The following NARS2 variants were observed in gnomAD, a reference collection of about 807,000 sequenced individuals.
NARS2 encodes asparaginyl-tRNA synthetase 2, mitochondrial.
A neutral mutation model predicts 62.9 loss-of-function variants in NARS2; 60 were observed. That is an observed-to-expected ratio of 0.95 (90% CI 0.77 to 1.18). The LOEUF (loss-of-function observed/expected upper bound fraction) is 1.18. Among genes scored for constraint, NARS2 ranks in the 50% most tolerant of loss-of-function variants. The pLI, the probability that NARS2 is intolerant of heterozygous loss-of-function variation, is 0.00. For missense variants in NARS2, 619 were observed against 576.4 expected (o/e 1.07, Z -0.76); for synonymous variants, 196 against 200.0 (o/e 0.98, Z 0.17).
intron 3 of NARS2, 68 bp from the exon 4 acceptor site, chr11:78,566,340 G>A: frequency 7.5e-6 from 10 of 1,339,144 alleles, no homozygotes; most frequent in Non-Finnish European, 1.0e-5. Flanking sequence ...CAGTTTCCAG[G>A]GTATTTCTTA....
intron 7 of NARS2, among the ~76,000 whole-genome samples, chr11:78,484,687 C>A (rs1859499166): frequency 6.6e-6 from 1 of 152,116 alleles, no homozygotes; most frequent in Admixed American, 6.5e-5. Context: ...CAATGAGATA[C>A]CATCTTATAT....
In NARS2 at chr11:78,574,753, T is replaced by A. The variant is rs1461924304; in HGVS notation, c.-265A>T. 40 of 453,628 alleles carry A rather than the reference T, an allele frequency of 8.8e-5. No homozygotes were observed. 28.1% of individuals were successfully genotyped at this position (453,628 alleles called of 1,614,324 possible). A position where few individuals can be genotyped will look rare whatever the true frequency, so the allele number is the denominator to read the frequency against. On this transcript the variant is annotated 5_prime_UTR_variant, in exon 1 of 14. Coordinates refer to ENST00000281038, the MANE Select transcript of NARS2 (RefSeq NM_024678.6). ...AAAGAAACCACGTGCAGTTGGCAGC[T>A]GGGGCGCCCCACTACCCGCGACAAT...
intron 6 of NARS2, among the ~76,000 whole-genome samples, chr11:78,511,173 G>A (rs541869147): frequency 6.6e-6 from 1 of 152,074 alleles, no homozygotes; most frequent in Non-Finnish European, 1.5e-5. Context: ...GACCTCCTAG[G>A]CTCAAGTGAT....
intron 13 of NARS2, among the ~76,000 whole-genome samples, chr11:78,439,823 C>T (rs1565199361): frequency 6.6e-6 from 1 of 151,864 alleles, no homozygotes; most frequent in Admixed American, 6.6e-5. Flanking sequence ...TGAAGGAGTG[C>T]TAATATAGAA....
At chr11:78,457,459 A>G (rs1236905322) in intron 11 of NARS2, among the ~76,000 whole-genome samples, 8 of 152,258 alleles carry the variant, frequency 5.3e-5, no homozygotes, top group Admixed American at 2.0e-4. Flanking sequence ...TTCCTTCACC[A>G]GAAAACAACA....
chr11:78,448,557 C>T (rs55661317), intron 11 of NARS2, among the ~76,000 whole-genome samples: 103 of 152,240 alleles, frequency 6.8e-4, no homozygotes, highest in Non-Finnish European at 1.2e-3. Flanking sequence ...GTGATCCACC[C>T]GCCTCATCCT....
At chr11:78,449,872 C>G (rs1166144620) in intron 11 of NARS2, among the ~76,000 whole-genome samples, 1 of 152,186 alleles carries the variant, frequency 6.6e-6, no homozygotes, top group Non-Finnish European at 1.5e-5. Flanking sequence ...TTGAGAACCA[C>G]TAGTTTAAAA....
chr11:78,492,108 T>G (rs61881822), intron 7 of NARS2, among the ~76,000 whole-genome samples: 64,508 of 132,336 alleles, frequency 0.49, 17,266 homozygotes, highest in Non-Finnish European at 0.65. Flanking sequence ...TATATATATA[T>G]ACAGACACAC....
intron 5 of NARS2, among the ~76,000 whole-genome samples, chr11:78,550,293 T>C (rs1038385071): frequency 2.0e-5 from 3 of 152,304 alleles, no homozygotes; most frequent in South Asian, 4.1e-4. Flanking sequence ...TTACTTTCTA[T>C]TGTTCTGTTT....
intron 9 of NARS2, 27 bp from the exon 10 acceptor site, chr11:78,469,340 G>T: frequency 6.3e-7 from 1 of 1,575,438 alleles, no homozygotes; most frequent in Non-Finnish European, 8.7e-7. Context: ...TACAAGCAGA[G>T]AAAAGTCAAT....
intron 11 of NARS2, among the ~76,000 whole-genome samples, chr11:78,453,749 A>G (rs1479821055): frequency 6.6e-6 from 1 of 152,216 alleles, no homozygotes; most frequent in Non-Finnish European, 1.5e-5. Context: ...TGAAATACAC[A>G]GTATTTTGGC....
chr11:78,538,964 C>T (rs982088984), intron 5 of NARS2, among the ~76,000 whole-genome samples: 1 of 116,176 alleles, frequency 8.6e-6, no homozygotes, highest in African/African-American at 3.3e-5. Context: ...CACTGCACTC[C>T]AGCCTGGGCG....
intron 6 of NARS2, among the ~76,000 whole-genome samples, chr11:78,520,358 C>G (rs1336531648): frequency 5.3e-5 from 8 of 152,082 alleles, no homozygotes; most frequent in African/African-American, 1.9e-4. Context: ...GCATTCTTCC[C>G]TGTGTGTGTG....
In NARS2 at chr11:78,571,831, C is replaced by T. The variant is rs569175557; in HGVS notation, c.142-387G>A. Among the ~76,000 whole-genome samples the T allele has an allele frequency of 2.6e-5, 4 of 152,166 alleles. No individual in the cohort carries two copies. In the East Asian group the frequency reaches 5.8e-4, roughly 22 times the overall value. On this transcript the variant is annotated intron_variant, in intron 1 of 13. Transcript: ENST00000281038. ...GGTGCCTTTCTCAGGATGTGGGGTG[C>T]GCCCTTCTTTCTGGTTTCATCTCAC...
chr11:78,468,311 A>AAAG (rs1858714675), intron 10 of NARS2, among the ~76,000 whole-genome samples: 1 of 77,700 alleles, frequency 1.3e-5, no homozygotes, highest in African/African-American at 5.9e-5. Context: ...ACTAAATCTG[A>AAAG]AAAAAAAAAA....
intron 11 of NARS2, among the ~76,000 whole-genome samples, chr11:78,462,676 T>C (rs996268091): frequency 2.6e-5 from 4 of 152,198 alleles, no homozygotes; most frequent in Admixed American, 6.5e-5. Context: ...TTTTCATTTA[T>C]AAAATGGGGA....
chr11:78,566,180 T>C lies in NARS2; in HGVS notation c.465A>G (p.Ile155Met), dbSNP rs770119015. Residue 155 changes from isoleucine to methionine, a missense_variant, in exon 4 of 14, where the codon ATA becomes ATG. Coordinates refer to ENST00000281038, the MANE Select transcript of NARS2 (RefSeq NM_024678.6). Reference sequence around the variant, plus strand: ...CTGTCGCTTCACTGCGAATCCTCAATATAGAACCCAGAACGTTAGTCCTAC... The same window carrying C: ...CTGTCGCTTCACTGCGAATCCTCAACATAGAACCCAGAACGTTAGTCCTAC... Reference protein sequence around the residue: ...FRCRTNVLGSILRIRSEATAA... With the variant: ...FRCRTNVLGSMLRIRSEATAA... The C allele has an allele frequency of 4.3e-6, 7 of 1,613,088 alleles. No individual in the cohort carries two copies. In the African/African-American group the frequency reaches 5.3e-5, roughly 12 times the overall value.
intron 10 of NARS2, among the ~76,000 whole-genome samples, chr11:78,467,340 G>A (rs965919008): frequency 1.3e-5 from 2 of 151,940 alleles, no homozygotes; most frequent in African/African-American, 2.4e-5. Context: ...ACAGAAGCCC[G>A]AGACTAGCCT....
At chr11:78,521,786 T>G (rs1861134901) in intron 6 of NARS2, among the ~76,000 whole-genome samples, 2 of 55,558 alleles carry the variant, frequency 3.6e-5, no homozygotes, top group Admixed American at 2.2e-4. Flanking sequence ...CGAGACTCCG[T>G]CTCAAAAAAA....
Sources: gnomAD v4.1 joint callset for allele counts (sites outside exome capture counted in the v4.1 genomes callset) on GRCh38, gnomAD v4.1.1 for gene constraint, MANE v1.5 for transcripts, NCBI Gene and HGNC (gene_info 2026-07-23, HGNC 2026-07-21) for gene names.